Variants in ZNF33B observed in about 807,000 individuals in gnomAD.
ZNF33B encodes the protein zinc finger protein 33B, also known as zinc finger protein 11b (KOX 2).
ZNF33B carries 29 observed loss-of-function variants against 45.8 expected under a neutral mutation model. The ratio of observed to expected loss-of-function variants is 0.63; its 90% CI spans 0.47 to 0.86. The LOEUF is 0.86. Among genes scored for constraint, ZNF33B ranks in the 40% least tolerant of loss-of-function variants. The pLI, the probability that ZNF33B is intolerant of heterozygous loss-of-function variation, is 0.00. For synonymous variants in ZNF33B, 305 were observed against 307.8 expected, an observed-to-expected ratio of 0.99 and a Z score of 0.10; for missense variants, 831 against 909.9, an observed-to-expected ratio of 0.91 and a Z score of 1.12.
intron 4 of ZNF33B, among the ~76,000 whole-genome samples, chr10:42,603,067 T>C (rs1354263800): frequency 6.6e-6 from 1 of 152,032 alleles, no homozygotes; most frequent in African/African-American, 2.4e-5. Flanking sequence ...CTGAGAATAG[T>C]GGAGTACAAT....
chr10:42,586,982 A>G (rs2132020720), downstream of ZNF33B, among the ~76,000 whole-genome samples: 1 of 146,154 alleles, frequency 6.8e-6, no homozygotes, highest in South Asian at 2.1e-4. Context: ...TCGGCTTCCA[A>G]GGCAGCCCCT....
intron 1 of ZNF33B, among the ~76,000 whole-genome samples, chr10:42,583,853 TCCTTGTTTC>T (rs1373055654): frequency 6.6e-6 from 1 of 152,014 alleles, no homozygotes; most frequent in Non-Finnish European, 1.5e-5. Context: ...TCTTCTGACA[TCCTTGTTTC>T]CCTTTCTCTT....
At chr10:42,576,229 T>A (rs949869366) in intron 1 of ZNF33B, among the ~76,000 whole-genome samples, 1 of 152,174 alleles carries the variant, frequency 6.6e-6, no homozygotes, top group Admixed American at 6.5e-5. Flanking sequence ...GCTCAGGCGA[T>A]CTGCCCGCCT....
intron 2 of ZNF33B, 64 bp downstream of exon 2, chr10:42,636,856 C>G: frequency 6.2e-7 from 1 of 1,609,060 alleles, no homozygotes; most frequent in Non-Finnish European, 8.5e-7. Context: ...AAAAACCATA[C>G]TGACTCTTAC....
At chr10:42,621,543 T>TA (rs60215790) in intron 4 of ZNF33B, among the ~76,000 whole-genome samples, 1,891 of 144,462 alleles carry the variant, frequency 0.013, 47 homozygotes, top group African/African-American at 0.043. Flanking sequence ...TCAATGTTTT[T>TA]AAAAAAAAAA....
chr10:42,579,232 G>C (rs1463287187), intron 1 of ZNF33B, among the ~76,000 whole-genome samples: 3 of 152,106 alleles, frequency 2.0e-5, no homozygotes, highest in African/African-American at 7.2e-5. Context: ...TTAAGATTCA[G>C]GGGGTACATG....
At chr10:42,634,812 T>C (rs1251524969) in intron 2 of ZNF33B, among the ~76,000 whole-genome samples, 1 of 152,136 alleles carries the variant, frequency 6.6e-6, no homozygotes, top group Non-Finnish European at 1.5e-5. Context: ...GCCAAAACAA[T>C]AAATATTTTA....
At chr10:42,577,848 G>C (rs947423316) in intron 1 of ZNF33B, among the ~76,000 whole-genome samples, 43 of 152,182 alleles carry the variant, frequency 2.8e-4, no homozygotes, top group African/African-American at 9.9e-4. Context: ...TATAAAGTGA[G>C]AATTGTGCAC....
chr10:42,591,695 C>T lies in ZNF33B; in HGVS notation c.*918G>A. ...GGATAATTCACAGATGTGCTTAATG[C>T]TGTTGCCCTGATTATTCAATTTATC... On this transcript the variant is annotated 3_prime_UTR_variant, in exon 5 of 5. Coordinates refer to ENST00000359467, the MANE Select transcript of ZNF33B (RefSeq NM_006955.3). 1 of 280,880 alleles carries T rather than the reference C, an allele frequency of 3.6e-6. No individual in the cohort carries two copies. Among genetic ancestry groups the T allele is most frequent in the Non-Finnish European group, 5.4e-6 (1 of 185,876 alleles). 17.4% of individuals were successfully genotyped at this position (280,880 alleles called of 1,614,324 possible). A position where few individuals can be genotyped will look rare whatever the true frequency, so the allele number is the denominator to read the frequency against.
intron 4 of ZNF33B, among the ~76,000 whole-genome samples, chr10:42,603,013 T>A (rs1837690934): frequency 1.3e-5 from 2 of 152,244 alleles, no homozygotes; most frequent in Admixed American, 1.3e-4. Flanking sequence ...TGAGCCAGCT[T>A]CCTCCACCAC....
chr10:42,592,507 G>A lies in ZNF33B; in HGVS notation c.*106C>T, dbSNP rs1005789417. 193 of 1,428,714 alleles carry A rather than the reference G, an allele frequency of 1.4e-4. 1 individual carries two copies. The highest frequency in any genetic ancestry group is 1.7e-4 in the Non-Finnish European group (174 of 1,053,030). The allele number at this position is 1,428,714 out of a possible 1,614,324, so 88.5% of individuals were successfully genotyped here. On this transcript the variant is annotated 3_prime_UTR_variant, in exon 5 of 5. Transcript: ENST00000359467. Reference sequence around the variant, plus strand: ...TTGGAGTAACATAAGGCGAGTTTGTGGATAGTTATTGAACATTCAGGATGT... The same window carrying A: ...TTGGAGTAACATAAGGCGAGTTTGTAGATAGTTATTGAACATTCAGGATGT...
At chr10:42,610,978 C>A (rs1838074002) in intron 4 of ZNF33B, among the ~76,000 whole-genome samples, 1 of 152,132 alleles carries the variant, frequency 6.6e-6, no homozygotes, top group African/African-American at 2.4e-5. Flanking sequence ...ATTGAGAATT[C>A]ATAAATAAAC....
Position 42,592,904 on chromosome 10 carries a change from T to C in ZNF33B, c.2046A>G (p.Leu682=). 2 of 1,613,938 alleles carry C rather than the reference T, an allele frequency of 1.2e-6. No individual in the cohort carries two copies. The highest frequency in any genetic ancestry group is 2.2e-5 in the East Asian group (1 of 44,842). ...TCTCCCCCGTGTGCTTTCTCTCATG[T>C]AAAATAAGTCCTGACTTCACACAGA... ...KSFCVKSGLI[L]HERKHTGEKP... Residue 682 remains leucine (L), a synonymous_variant, in exon 5 of 5, where the codon TTA becomes TTG. Coordinates refer to ENST00000359467, the MANE Select transcript of ZNF33B (RefSeq NM_006955.3).
intron 4 of ZNF33B, among the ~76,000 whole-genome samples, chr10:42,596,182 A>C (rs116548266): frequency 0.032 from 4,807 of 151,948 alleles, 223 homozygotes; most frequent in East Asian, 0.13. Flanking sequence ...ATCTAAGAAA[A>C]CTGTCCAAAA....
At chr10:42,623,738 T>C (rs998137712) in intron 4 of ZNF33B, among the ~76,000 whole-genome samples, 5 of 152,228 alleles carry the variant, frequency 3.3e-5, no homozygotes, top group African/African-American at 1.2e-4. Flanking sequence ...GCAAATGTTT[T>C]AGAAATTGTG....
chr10:42,593,904 C>G lies in ZNF33B; in HGVS notation c.1046G>C (p.Arg349Thr). The part of the protein sequence containing the change: ...WEKSHLTRHQ[R>T]VHTGEKHFQC... ...AAAGTGTTTCTCTCCTGTGTGCACC[C>G]TCTGATGTCGAGTGAGATGTGACTT... Residue 349 changes from arginine (R) to threonine (T), a missense_variant, in exon 5 of 5, where the codon AGG becomes ACG. Transcript: ENST00000359467. The G allele has an allele frequency of 6.2e-7, 1 of 1,614,036 alleles. No homozygotes were observed.
At position 42,594,252 on chromosome 10, in the gene ZNF33B, A is replaced by G. The variant is rs1303327936; in HGVS notation, c.698T>C (p.Val233Ala). The change falls in exon 5 of 5, where the codon GTA (valine) becomes GCA (alanine). Residue 233 changes from valine to alanine, a missense_variant. Val to Ala is a moderately conservative substitution (Grantham distance 64). Coordinates refer to ENST00000359467, the MANE Select transcript of ZNF33B (RefSeq NM_006955.3). ...ATTCTCTCTCTTCCGTGTATTGAAT[A>G]CTGCCTTTTCAAGGAGGGTTTCCTG... is the stretch of plus-strand genomic sequence containing the variant. ...ICQETLLEKA[V>A]FNTRKRENAE... The G allele has an allele frequency of 1.2e-6, 2 of 1,613,836 alleles. No individual in the cohort carries two copies. Among genetic ancestry groups the G allele is most frequent in the Admixed American group, 1.7e-5 (1 of 60,006 alleles).
At chr10:42,620,539 A>G (rs1318908973) in intron 4 of ZNF33B, among the ~76,000 whole-genome samples, 1 of 151,258 alleles carries the variant, frequency 6.6e-6, no homozygotes, top group East Asian at 1.9e-4. Context: ...AGTAGCTGGA[A>G]CCACAGCGCA....
intron 4 of ZNF33B, among the ~76,000 whole-genome samples, chr10:42,612,161 G>A (rs373788417): frequency 6.6e-6 from 1 of 150,810 alleles, no homozygotes; most frequent in East Asian, 1.9e-4. Context: ...GGTGTTGAAT[G>A]CTTCTTGTCC....
Sources: gnomAD v4.1 joint callset for allele counts (sites outside exome capture counted in the v4.1 genomes callset) on GRCh38, gnomAD v4.1.1 for gene constraint, MANE v1.5 for transcripts, NCBI Gene and HGNC (gene_info 2026-07-23, HGNC 2026-07-21) for gene names.